The following LRRC8C variants were observed in gnomAD, a reference collection of about 807,000 sequenced individuals.
The protein encoded by LRRC8C is leucine rich repeat containing 8 VRAC subunit C.
In LRRC8C, 20 loss-of-function variants were observed where a neutral mutation model predicts 55.3. The observed-to-expected ratio is 0.36, with a 90% CI of 0.25 to 0.53. LRRC8C has a LOEUF of 0.53. Ranked by LOEUF, LRRC8C falls within the 20% of genes least tolerant of loss-of-function variation. The probability of loss-of-function intolerance (pLI) is 0.92; values close to 1 mark genes in which losing one functional copy is unlikely to be tolerated. For missense variants in LRRC8C, 659 were observed against 951.4 expected (o/e 0.69, Z 4.04); for synonymous variants, 376 against 360.7 (o/e 1.04, Z -0.48).
intron 1 of LRRC8C, among the ~76,000 whole-genome samples, chr1:89,681,088 A>C (rs1375172299): frequency 6.6e-6 from 1 of 152,230 alleles, no homozygotes; most frequent in Non-Finnish European, 1.5e-5. Context: ...TTAACTAGAA[A>C]TAAAATTATG....
chr1:89,625,594 C>T, the LRRC8C span, among the ~76,000 whole-genome samples: 13 of 152,258 alleles, frequency 8.5e-5, 1 homozygote, highest in African/African-American at 2.6e-4. Context: ...GTGGCTTTCA[C>T]GGACAGAGCA....
At position 89,696,587 on chromosome 1, in the gene LRRC8C, G is replaced by T. The variant is rs143829817; in HGVS notation, c.138+9976G>T. On this transcript the variant is annotated intron_variant, in intron 2 of 2. Coordinates refer to ENST00000370454, the MANE Select transcript of LRRC8C (RefSeq NM_032270.5). ...AACAATCCTCTTCAGGCCCTCCTAG[G>T]CTACCATCAACTTCCCAGAGAGAGG... 2.1e-3 allele frequency among the ~76,000 whole-genome samples: 326 copies of T among 152,166 alleles called. 1 individual carries two copies. Among genetic ancestry groups the T allele is most frequent in the Non-Finnish European group, 3.7e-3 (249 of 67,990 alleles).
intron 1 of LRRC8C, among the ~76,000 whole-genome samples, chr1:89,650,364 GT>G (rs1656728736): frequency 6.6e-6 from 1 of 152,090 alleles, no homozygotes; most frequent in African/African-American, 2.4e-5. Context: ...TGAAAGGAAT[GT>G]TAGAATAACA....
At chr1:89,635,266 TAA>T (rs1182022762) in intron 1 of LRRC8C, among the ~76,000 whole-genome samples, 1 of 152,224 alleles carries the variant, frequency 6.6e-6, no homozygotes, top group Non-Finnish European at 1.5e-5. Flanking sequence ...ATAGTATTAT[TAA>T]GTTATAGTCA....
intron 2 of LRRC8C, among the ~76,000 whole-genome samples, chr1:89,696,265 C>T (rs1658168184): frequency 6.6e-6 from 1 of 152,192 alleles, no homozygotes; most frequent in Non-Finnish European, 1.5e-5. Context: ...ACCACATTAT[C>T]AGTTTCCTGG....
At chr1:89,623,151 GAC>G in the LRRC8C span, among the ~76,000 whole-genome samples, 59,699 of 149,438 alleles carry the variant, frequency 0.4, 12,789 homozygotes, top group South Asian at 0.58. Context: ...AACTAACTCA[GAC>G]ACACACACAC....
chr1:89,699,706 A>T (rs996802684), intron 2 of LRRC8C, among the ~76,000 whole-genome samples: 2 of 152,118 alleles, frequency 1.3e-5, no homozygotes, highest in African/African-American at 2.4e-5. Flanking sequence ...GTTCTCATAG[A>T]TGTCTATTTC....
At chr1:89,633,655 G>A (rs6697866) in intron 1 of LRRC8C, among the ~76,000 whole-genome samples, 10,655 of 152,160 alleles carry the variant, frequency 0.07, 1,278 homozygotes, top group African/African-American at 0.25. Flanking sequence ...TCCGCGAGGG[G>A]AAATGCGTCC....
chr1:89,714,070 T>A lies in LRRC8C; in HGVS notation c.1500T>A (p.Phe500Leu). Residue 500 changes from phenylalanine to leucine, a missense_variant, in exon 3 of 3, where the codon TTT becomes TTA. Physicochemically the swap from Phe to Leu is conservative, Grantham distance 22. Coordinates refer to ENST00000370454, the MANE Select transcript of LRRC8C (RefSeq NM_032270.5). The surrounding 1 kb of genome is among the most constrained non-coding windows in gnomAD (Gnocchi z 4.6). ...ACCTCAAGGTCTTGAGCGTCAAGTT[T>A]GATGACATGAGGGAACTCCCCCCCT... ...KENLKVLSVK[F>L]DDMRELPPWM... 1 of 1,613,974 alleles carries A rather than the reference T, an allele frequency of 6.2e-7. No homozygotes were observed. The highest frequency in any genetic ancestry group is 8.5e-7 in the Non-Finnish European group (1 of 1,180,004).
chr1:89,648,759 C>T (rs946966797), intron 1 of LRRC8C, among the ~76,000 whole-genome samples: 1 of 152,186 alleles, frequency 6.6e-6, no homozygotes, highest in African/African-American at 2.4e-5. Flanking sequence ...CCATCCTCTA[C>T]TTCTCCCACA....
At chr1:89,637,889 T>C (rs1656337473) in intron 1 of LRRC8C, among the ~76,000 whole-genome samples, 1 of 152,220 alleles carries the variant, frequency 6.6e-6, no homozygotes, top group South Asian at 2.1e-4. Flanking sequence ...AGGATCATTT[T>C]CTGGTATTCG....
rs1570748846 is a variant in LRRC8C, at chr1:89,715,223, C to T, written c.*241C>T. The T allele has an allele frequency of 6.8e-6, 2 of 295,134 alleles. No homozygotes were observed. Among genetic ancestry groups the T allele is most frequent in the African/African-American group, 2.2e-5 (1 of 46,386 alleles). The allele number at this position is 295,134 out of a possible 1,614,324, so 18.3% of individuals were successfully genotyped here. A position where few individuals can be genotyped will look rare whatever the true frequency, so the allele number is the denominator to read the frequency against. On this transcript the variant is annotated 3_prime_UTR_variant, in exon 3 of 3. Transcript: ENST00000370454. ...TATCTACTGACAGAAAGAGATAGTT[C>T]CATTTGGTTTTTTGTTTTTGTTTTT...
chr1:89,616,846 G>C, the LRRC8C span, among the ~76,000 whole-genome samples: 6 of 152,228 alleles, frequency 3.9e-5, no homozygotes, highest in African/African-American at 1.2e-4. Context: ...CCTACAAAGT[G>C]AGGATATGAA....
chr1:89,706,186 G>A, intron 2 of LRRC8C: 2 of 416,392 alleles, frequency 4.8e-6, no homozygotes, highest in Non-Finnish European at 9.5e-6. Context: ...ACATATAGTA[G>A]ATACTACTGC....
chr1:89,672,570 C>G (rs969750958), intron 1 of LRRC8C, among the ~76,000 whole-genome samples: 1 of 152,166 alleles, frequency 6.6e-6, no homozygotes, highest in Non-Finnish European at 1.5e-5. Context: ...ACGTTGTACT[C>G]CAGTAGCTAT....
chr1:89,644,561 T>C (rs1449960675), intron 1 of LRRC8C, among the ~76,000 whole-genome samples: 1 of 152,224 alleles, frequency 6.6e-6, no homozygotes, highest in Non-Finnish European at 1.5e-5. Context: ...ATTATGACTT[T>C]TCTCCTGAAA....
chr1:89,699,882 T>C (rs1307317200), intron 2 of LRRC8C, among the ~76,000 whole-genome samples: 1 of 152,216 alleles, frequency 6.6e-6, no homozygotes, highest in Non-Finnish European at 1.5e-5. Flanking sequence ...CTCACCAACA[T>C]TTTTTGTACT....
intron 2 of LRRC8C, among the ~76,000 whole-genome samples, chr1:89,696,142 A>T (rs1243203883): frequency 6.6e-6 from 1 of 152,220 alleles, no homozygotes; most frequent in African/African-American, 2.4e-5. Flanking sequence ...AAATGCCCTA[A>T]TTCTGATAGC....
intron 1 of LRRC8C, among the ~76,000 whole-genome samples, chr1:89,679,689 A>G (rs1657644727): frequency 1.3e-5 from 2 of 152,232 alleles, no homozygotes; most frequent in South Asian, 4.1e-4. Context: ...ATTGTTTTGT[A>G]TTCGTTTTGA....
Sources: gnomAD v4.1 joint callset for allele counts (sites outside exome capture counted in the v4.1 genomes callset) on GRCh38, gnomAD v4.1.1 for gene constraint, Gnocchi (gnomAD v3.1) non-coding constraint, MANE v1.5 for transcripts, NCBI Gene and HGNC (gene_info 2026-07-23, HGNC 2026-07-21) for gene names.